Variants in ADAMTS12 observed in about 807,000 individuals in gnomAD.
ADAMTS12 encodes the protein A disintegrin and metalloproteinase with thrombospondin motifs 12.
In ADAMTS12, 118 loss-of-function variants were observed where a neutral mutation model predicts 167.8. The ratio of observed to expected loss-of-function variants is 0.70; its 90% CI spans 0.61 to 0.82. The LOEUF is 0.82. Ranked by LOEUF, ADAMTS12 falls within the 40% of genes least tolerant of loss-of-function variation. ADAMTS12 has a pLI of 0.00. For missense variants in ADAMTS12, 1,916 were observed against 1,998.8 expected (o/e 0.96, Z 0.79); for synonymous variants, 704 against 716.9 (o/e 0.98, Z 0.29).
chr5:33,600,743 G>A (rs13190167), intron 16 of ADAMTS12, among the ~76,000 whole-genome samples: 76,351 of 151,910 alleles, frequency 0.5, 19,507 homozygotes, highest in South Asian at 0.62. Context: ...ACATTAGCAC[G>A]TAAATTACAA....
At chr5:33,842,627 G>T (rs575171779) in intron 2 of ADAMTS12, among the ~76,000 whole-genome samples, 1 of 152,216 alleles carries the variant, frequency 6.6e-6, no homozygotes, top group Non-Finnish European at 1.5e-5. Context: ...TTGAGGAAAC[G>T]CAAGGGGCAG....
intron 19 of ADAMTS12, among the ~76,000 whole-genome samples, chr5:33,563,942 A>G (rs1745874488): frequency 6.6e-6 from 1 of 152,254 alleles, no homozygotes; most frequent in Non-Finnish European, 1.5e-5. Context: ...GAGGACATAC[A>G]GCTGGTAATT....
At position 33,816,231 on chromosome 5, in the gene ADAMTS12, G is replaced by A. The variant is rs190751145; in HGVS notation, c.490-64683C>T. Among the ~76,000 whole-genome samples, 191 of 152,182 alleles carry A rather than the reference G, an allele frequency of 1.3e-3. 1 individual carries two copies. Among genetic ancestry groups the A allele is most frequent in the Admixed American group, 2.1e-3 (32 of 15,286 alleles). On this transcript the variant is annotated intron_variant, in intron 2 of 23. Coordinates refer to ENST00000504830, the MANE Select transcript of ADAMTS12 (RefSeq NM_030955.4). ...TGTAAATTTGTGGGTATAAAATAATGTTATGATTTATGAATACAATGTGGA... is the reference window on the plus strand; with the variant it reads ...TGTAAATTTGTGGGTATAAAATAATATTATGATTTATGAATACAATGTGGA...
Position 33,588,769 on chromosome 5 carries a change from C to T in ADAMTS12, c.2695G>A (p.Gly899Arg). ...GTTCGCTTCTTCTCCCCGTGGGGCC[C>T]GCATGTCGCCGAGCATGCTTCCCAC... ...GEWEACSATC[G>R]PHGEKKRTVL... is the part of the protein sequence containing the mutation. Residue 899 changes from glycine to arginine, a missense_variant, in exon 18 of 24, where the codon GGG (glycine) becomes AGG (arginine). Physicochemically the swap from Gly to Arg is moderately radical, Grantham distance 125. Transcript: ENST00000504830. The T allele has an allele frequency of 3.7e-6, 6 of 1,613,864 alleles. No homozygotes were observed. Among genetic ancestry groups the T allele is most frequent in the Non-Finnish European group, 5.1e-6 (6 of 1,180,022 alleles).
intron 18 of ADAMTS12, 115 bp downstream of exon 18, chr5:33,588,484 A>G: frequency 8.0e-7 from 1 of 1,244,878 alleles, no homozygotes; most frequent in East Asian, 2.3e-5. Flanking sequence ...GGGGTGATGA[A>G]CACTGGCTAT....
intron 16 of ADAMTS12, among the ~76,000 whole-genome samples, chr5:33,597,986 C>T (rs1236321726): frequency 2.6e-5 from 4 of 152,170 alleles, no homozygotes; most frequent in African/African-American, 4.8e-5. Flanking sequence ...GGTAAGTGTG[C>T]TTAGTGTCCC....
intron 20 of ADAMTS12, 97 bp downstream of exon 20, chr5:33,560,930 A>G: frequency 6.8e-7 from 1 of 1,481,014 alleles, no homozygotes; most frequent in Non-Finnish European, 9.1e-7. Context: ...AAAGAAAAAA[A>G]AAAAAAACGA....
chr5:33,813,813 C>T (rs184608954), intron 2 of ADAMTS12, among the ~76,000 whole-genome samples: 2 of 152,340 alleles, frequency 1.3e-5, no homozygotes, highest in African/African-American at 4.8e-5. Flanking sequence ...TCATCTGATG[C>T]CATGTGGAGC....
intron 3 of ADAMTS12, among the ~76,000 whole-genome samples, chr5:33,745,240 G>A (rs368739774): frequency 2.2e-4 from 33 of 152,256 alleles, no homozygotes; most frequent in South Asian, 1.0e-3. Flanking sequence ...CAGAAGGTGG[G>A]TCAGAACAGA....
At chr5:33,626,209 G>C (rs2076433517) in intron 13 of ADAMTS12, among the ~76,000 whole-genome samples, 1 of 151,866 alleles carries the variant, frequency 6.6e-6, no homozygotes, top group South Asian at 2.1e-4. Context: ...TGATAATAGT[G>C]GTGATGGAGT....
At chr5:33,571,960 C>T (rs1561134823) in intron 19 of ADAMTS12, among the ~76,000 whole-genome samples, 2 of 152,190 alleles carry the variant, frequency 1.3e-5, no homozygotes, top group Admixed American at 6.5e-5. Flanking sequence ...TCAGAGAATA[C>T]TACAAACACC....
intron 6 of ADAMTS12, among the ~76,000 whole-genome samples, chr5:33,660,693 G>A (rs1284532695): frequency 6.6e-6 from 1 of 152,144 alleles, no homozygotes; most frequent in Non-Finnish European, 1.5e-5. Context: ...TCCCCAGGCT[G>A]TCTGCTAGCT....
chr5:33,738,059 G>A (rs1210456268), intron 3 of ADAMTS12, among the ~76,000 whole-genome samples: 1 of 152,136 alleles, frequency 6.6e-6, no homozygotes, highest in Non-Finnish European at 1.5e-5. Context: ...GCACAGACAG[G>A]CTCACCCAAC....
intron 8 of ADAMTS12, 51 bp from the exon 9 acceptor site, chr5:33,649,017 C>G: frequency 6.3e-7 from 1 of 1,594,532 alleles, no homozygotes. Flanking sequence ...TTCCCTTTAC[C>G]TTCAGCCTTT....
rs376390917 is a variant in ADAMTS12 at position 33,630,904 on chromosome 5, C to A, written c.1898G>T (p.Cys633Phe). 28 of 1,613,054 alleles carry A rather than the reference C, an allele frequency of 1.7e-5. No individual in the cohort carries two copies. Among genetic ancestry groups the A allele is most frequent in the Non-Finnish European group, 2.4e-5 (28 of 1,179,334 alleles). Residue 633 changes from cysteine to phenylalanine, a missense_variant, in exon 13 of 24, where the codon TGT becomes TTT. Coordinates refer to ENST00000504830, the MANE Select transcript of ADAMTS12 (RefSeq NM_030955.4). ...WFPIFNPAHP[C>F]ELYCRPIDGQ... ...ATCTATGGGTCGGCAGTAGAGCTCA[C>A]AAGGATGTGCTGAAGGGAAAAAAGA...
intron 3 of ADAMTS12, among the ~76,000 whole-genome samples, chr5:33,747,174 C>T (rs1266810517): frequency 6.6e-6 from 1 of 151,784 alleles, no homozygotes; most frequent in Admixed American, 6.6e-5. Context: ...AGGGACTAAG[C>T]GAAAAAGGAA....
At chr5:33,807,763 C>A (rs1347193457) in intron 2 of ADAMTS12, among the ~76,000 whole-genome samples, 1 of 152,110 alleles carries the variant, frequency 6.6e-6, no homozygotes, top group African/African-American at 2.4e-5. Flanking sequence ...CCTGGGCAAG[C>A]GCAAATGAAA....
At chr5:33,545,894 G>C (rs1432873699) in intron 22 of ADAMTS12, among the ~76,000 whole-genome samples, 165 bp downstream of exon 22, 1 of 151,812 alleles carries the variant, frequency 6.6e-6, no homozygotes, top group African/African-American at 2.4e-5. Context: ...ATAGCATTAG[G>C]AGAAATACCT....
At chr5:33,560,628 G>A (rs558498026) in intron 20 of ADAMTS12, among the ~76,000 whole-genome samples, 1 of 152,036 alleles carries the variant, frequency 6.6e-6, no homozygotes, top group South Asian at 2.1e-4. Context: ...GTAGGGACAT[G>A]GATGAAGCTG....
Sources: allele counts gnomAD v4.1 joint callset (sites outside exome capture counted in the v4.1 genomes callset), GRCh38; gene constraint gnomAD v4.1.1; transcripts MANE v1.5; gene names NCBI Gene and HGNC (gene_info 2026-07-23, HGNC 2026-07-21).